The following CSMD1 variants were observed in gnomAD, a reference collection of about 807,000 sequenced individuals.
CSMD1 encodes CUB and sushi domain-containing protein 1.
A neutral mutation model predicts 417.5 loss-of-function variants in CSMD1; 213 were observed. The ratio of observed to expected loss-of-function variants is 0.51; its 90% CI spans 0.46 to 0.57. The LOEUF (loss-of-function observed/expected upper bound fraction) is 0.57. Ranked by LOEUF, CSMD1 falls within the 20% of genes least tolerant of loss-of-function variation. CSMD1 has a pLI of 0.00. For missense variants in CSMD1, 6,923 were observed against 4,529.7 expected (o/e 1.53, Z -15.17); for synonymous variants, 2,862 against 1,736.8 (o/e 1.65, Z -16.11).
intron 1 of CSMD1, among the ~76,000 whole-genome samples, chr8:4,674,570 A>G (rs1405730133): frequency 1.3e-5 from 2 of 152,168 alleles, no homozygotes; most frequent in Non-Finnish European, 2.9e-5. Context: ...AAGATGTACC[A>G]CTAACCGTTC....
At position 3,077,249 on chromosome 8, in the gene CSMD1, G is replaced by A. The variant is rs149348040; in HGVS notation, c.7474+9848C>T. Among the ~76,000 whole-genome samples the A allele has an allele frequency of 2.8e-4, 42 of 152,272 alleles. No individual in the cohort carries two copies. In the Middle Eastern group the frequency reaches 0.02, roughly 74 times the overall value. ...GGAGGACTAAACAGCTGCACAAATA[G>A]GAAATCAAAGTAAGAAATGCCAAGA... is the stretch of plus-strand genomic sequence containing the variant. On this transcript the variant is annotated intron_variant, in intron 49 of 69. Transcript: ENST00000635120.
chr8:3,523,788 CAT>C (rs202138117), intron 10 of CSMD1, among the ~76,000 whole-genome samples: 3 of 150,160 alleles, frequency 2.0e-5, no homozygotes, highest in African/African-American at 7.5e-5. Context: ...CACCCAGAGA[CAT>C]ATGCACACAT....
In CSMD1 at chr8:2,954,645, T is replaced by G. The variant is rs1170952939; in HGVS notation, c.9995-377A>C. 2.6e-5 allele frequency among the ~76,000 whole-genome samples: 4 copies of G among 152,294 alleles called. No homozygotes were observed. In the East Asian group the frequency reaches 7.7e-4, roughly 29 times the overall value. On this transcript the variant is annotated intron_variant, in intron 64 of 69. Coordinates refer to ENST00000635120, the MANE Select transcript of CSMD1 (RefSeq NM_033225.6). ...CCATGATGTTACAGTCCCTCTTCAT[T>G]GACCAATACCCCACCCAAATCAATC...
At chr8:4,252,365 G>A (rs868726083) in intron 3 of CSMD1, among the ~76,000 whole-genome samples, 2 of 152,194 alleles carry the variant, frequency 1.3e-5, no homozygotes, top group Non-Finnish European at 2.9e-5. Context: ...CTGTCCAATA[G>A]ACGCTGAAGT....
chr8:3,285,738 A>T (rs1803101703), intron 25 of CSMD1, among the ~76,000 whole-genome samples: 1 of 151,806 alleles, frequency 6.6e-6, no homozygotes, highest in African/African-American at 2.4e-5. Context: ...TACATGCAAC[A>T]ATTTTTTGCC....
chr8:3,475,428 G>C (rs762159359), intron 11 of CSMD1, among the ~76,000 whole-genome samples: 1 of 152,152 alleles, frequency 6.6e-6, no homozygotes, highest in African/African-American at 2.4e-5. Context: ...AAATTTTATA[G>C]GAATATTTCC....
At chr8:4,277,103 C>T (rs770813349) in intron 3 of CSMD1, among the ~76,000 whole-genome samples, 2 of 151,950 alleles carry the variant, frequency 1.3e-5, no homozygotes, top group Non-Finnish European at 2.9e-5. Context: ...AACTTTTCTG[C>T]CAATTAAAAA....
intron 49 of CSMD1, among the ~76,000 whole-genome samples, chr8:3,078,900 G>A (rs1443025241): frequency 6.6e-6 from 1 of 152,026 alleles, no homozygotes; most frequent in Non-Finnish European, 1.5e-5. Flanking sequence ...CTTTTTTGTT[G>A]GGCTCCTGTT....
intron 3 of CSMD1, among the ~76,000 whole-genome samples, chr8:4,215,867 G>A (rs1336856447): frequency 6.6e-6 from 1 of 152,252 alleles, no homozygotes. Flanking sequence ...TTAATTCTAT[G>A]ATGTTAAGAA....
chr8:4,107,867 G>T (rs1010079255), intron 3 of CSMD1, among the ~76,000 whole-genome samples: 1 of 152,130 alleles, frequency 6.6e-6, no homozygotes, highest in Non-Finnish European at 1.5e-5. Flanking sequence ...GGAAATAGAA[G>T]GAATTACTCA....
chr8:4,171,197 GA>G (rs1250945695), intron 3 of CSMD1, among the ~76,000 whole-genome samples: 1 of 151,740 alleles, frequency 6.6e-6, no homozygotes, highest in African/African-American at 2.4e-5. Context: ...CACCATCACA[GA>G]CCTGTGTGAA....
In CSMD1 at chr8:3,720,600, G is replaced by C. The variant is rs112585013; in HGVS notation, c.932-12109C>G. ...CAGTAGGAGAAACCTCACAGCATTG[G>C]TGGTCAAAGTCTTTATTCTTACACA... On this transcript the variant is annotated intron_variant, in intron 6 of 69. Coordinates refer to ENST00000635120, the MANE Select transcript of CSMD1 (RefSeq NM_033225.6). Among the ~76,000 whole-genome samples, 1,124 of 119,506 alleles carry C rather than the reference G, an allele frequency of 9.4e-3. 16 individuals are homozygous for C. Among genetic ancestry groups the C allele is most frequent in the African/African-American group, 0.032 (1,012 of 31,408 alleles). 78.4% of individuals were successfully genotyped at this position (119,506 alleles called of 152,430 possible).
chr8:4,397,676 G>T (rs1804345543), intron 3 of CSMD1, among the ~76,000 whole-genome samples: 1 of 151,850 alleles, frequency 6.6e-6, no homozygotes, highest in African/African-American at 2.4e-5. Context: ...GCGGCAGTAA[G>T]ATGAAGAAAT....
At chr8:4,756,951 TG>T (rs1434024825) in intron 1 of CSMD1, among the ~76,000 whole-genome samples, 1 of 152,222 alleles carries the variant, frequency 6.6e-6, no homozygotes, top group Non-Finnish European at 1.5e-5. Flanking sequence ...AAAAGAAACC[TG>T]TTCAAACACA....
chr8:4,663,028 C>T (rs191700145), intron 1 of CSMD1, among the ~76,000 whole-genome samples: 1 of 152,330 alleles, frequency 6.6e-6, no homozygotes, highest in Admixed American at 6.5e-5. Flanking sequence ...CCTGAAAAAT[C>T]TCTGTTCCAG....
intron 3 of CSMD1, among the ~76,000 whole-genome samples, chr8:4,077,531 G>C (rs1184012054): frequency 6.6e-6 from 1 of 151,818 alleles, no homozygotes; most frequent in African/African-American, 2.4e-5. Context: ...TCACACTGAA[G>C]TCACTCTGGT....
At chr8:4,070,523 A>G (rs1799494416) in intron 3 of CSMD1, among the ~76,000 whole-genome samples, 1 of 151,904 alleles carries the variant, frequency 6.6e-6, no homozygotes, top group African/African-American at 2.4e-5. Flanking sequence ...ACGGCCGGCT[A>G]TTTTTTTGTA....
At chr8:3,332,110 G>C (rs1178516709) in intron 23 of CSMD1, among the ~76,000 whole-genome samples, 7 of 152,220 alleles carry the variant, frequency 4.6e-5, no homozygotes, top group African/African-American at 1.7e-4. Flanking sequence ...CGTAGGGATA[G>C]ATGATAGATG....
At chr8:4,159,932 C>G (rs960655868) in intron 3 of CSMD1, among the ~76,000 whole-genome samples, 1 of 151,656 alleles carries the variant, frequency 6.6e-6, no homozygotes, top group Non-Finnish European at 1.5e-5. Context: ...ACTTTCGGGC[C>G]TTGAGGGGAA....
Sources: gnomAD v4.1 joint callset for allele counts (sites outside exome capture counted in the v4.1 genomes callset) on GRCh38, gnomAD v4.1.1 for gene constraint, MANE v1.5 for transcripts, NCBI Gene and HGNC (gene_info 2026-07-23, HGNC 2026-07-21) for gene names.